Variants in CEP120 observed in about 807,000 individuals in gnomAD.
The protein encoded by CEP120 is centrosomal protein 120.
In CEP120, 113 loss-of-function variants were observed where a neutral mutation model predicts 126.5. The ratio of observed to expected loss-of-function variants is 0.89; its 90% CI spans 0.77 to 1.04. The LOEUF (loss-of-function observed/expected upper bound fraction) is 1.04. Among genes scored for constraint, CEP120 ranks in the 50% least tolerant of loss-of-function variants. The pLI is 0.00. For missense variants in CEP120, 1,230 were observed against 1,155.7 expected (o/e 1.06, Z -0.93); for synonymous variants, 400 against 394.3 (o/e 1.01, Z -0.17).
chr5:123,389,905 AAAC>A lies in CEP120; in HGVS notation c.1255+16_1255+18del. 6.2e-7 allele frequency: 1 copy of A among 1,600,132 alleles called. No homozygotes were observed. The highest frequency in any genetic ancestry group is 8.6e-7 in the Non-Finnish European group (1 of 1,167,840). On this transcript the variant is annotated intron_variant, in intron 8 of 19. Coordinates refer to ENST00000306467, the MANE Select transcript of CEP120 (RefSeq NM_001375405.1). ...TGCAATACCTCAAAGATCTATAAAC[AAAC>A]AACAAAAAACCTTACCTTTTGGATT...
At chr5:123,417,395 TAAATA>T (rs1393439439) in intron 2 of CEP120, among the ~76,000 whole-genome samples, 1 of 152,158 alleles carries the variant, frequency 6.6e-6, no homozygotes, top group Non-Finnish European at 1.5e-5. Flanking sequence ...TTTTAATCCT[TAAATA>T]AATAAGAGTA....
intron 4 of CEP120, among the ~76,000 whole-genome samples, chr5:123,410,836 G>GA (rs1774012948): frequency 6.6e-6 from 1 of 152,170 alleles, no homozygotes; most frequent in Non-Finnish European, 1.5e-5. Context: ...TCATAAGCCG[G>GA]ACTTCATTAA....
In CEP120 at chr5:123,372,637, T is replaced by G; in HGVS notation, c.2481+13A>C. The stretch of plus-strand genomic sequence containing the variant: ...CTGGGACTAGTTAAACTGCACAAAA[T>G]TAACATGTGTACCTTTTCCAAGGTG... On this transcript the variant is annotated intron_variant, in intron 17 of 19. Transcript: ENST00000306467. 1.9e-6 allele frequency: 3 copies of G among 1,611,082 alleles called. No homozygotes were observed. Among genetic ancestry groups the G allele is most frequent in the Non-Finnish European group, 2.5e-6 (3 of 1,178,042 alleles).
intron 4 of CEP120, among the ~76,000 whole-genome samples, chr5:123,404,748 A>G (rs1228051701): frequency 1.3e-5 from 2 of 152,250 alleles, no homozygotes; most frequent in African/African-American, 4.8e-5. Context: ...CACCGCTATT[A>G]ACATTAGTTT....
chr5:123,359,590 A>T (rs910183651), intron 18 of CEP120, among the ~76,000 whole-genome samples: 2 of 152,046 alleles, frequency 1.3e-5, no homozygotes, highest in African/African-American at 2.4e-5. Flanking sequence ...ACCTCTTACA[A>T]GTCTAACAAG....
intron 16 of CEP120, among the ~76,000 whole-genome samples, chr5:123,377,114 T>C (rs1049445274): frequency 6.6e-6 from 1 of 152,116 alleles, no homozygotes; most frequent in Non-Finnish European, 1.5e-5. Flanking sequence ...CAGTGCTACA[T>C]GAAGAATATC....
chr5:123,419,403 C>T lies in CEP120; in HGVS notation c.50-888G>A, dbSNP rs1047006281. On this transcript the variant is annotated intron_variant, in intron 1 of 19. Coordinates refer to ENST00000306467, the MANE Select transcript of CEP120 (RefSeq NM_001375405.1). ...TCTACTAAAAATGCAAAAAATTAGC[C>T]GGGTGTGGTGGCATGCGCCTGTAGT... is the stretch of plus-strand genomic sequence containing the variant. Among the ~76,000 whole-genome samples the T allele has an allele frequency of 7.9e-5, 12 of 151,976 alleles. No individual in the cohort carries two copies. In the East Asian group the frequency reaches 2.1e-3, roughly 27 times the overall value.
At chr5:123,349,743 C>A (rs1472611542) in intron 19 of CEP120, among the ~76,000 whole-genome samples, 1 of 152,058 alleles carries the variant, frequency 6.6e-6, no homozygotes, top group African/African-American at 2.4e-5. Flanking sequence ...TGGGCTCAAA[C>A]GATCCTCCCA....
chr5:123,422,178 T>TG (rs556024963), intron 1 of CEP120, among the ~76,000 whole-genome samples: 8 of 152,342 alleles, frequency 5.3e-5, no homozygotes, highest in African/African-American at 1.9e-4. Context: ...AAGTGCTCCC[T>TG]GCTCTTCTCT....
chr5:123,415,804 G>A (rs911411404), intron 3 of CEP120, among the ~76,000 whole-genome samples: 3 of 152,018 alleles, frequency 2.0e-5, no homozygotes, highest in Admixed American at 6.6e-5. Context: ...CTTGGGAAGC[G>A]GAGGTTGCAG....
chr5:123,350,940 A>G (rs562662747), intron 18 of CEP120, among the ~76,000 whole-genome samples: 1 of 152,320 alleles, frequency 6.6e-6, no homozygotes, highest in East Asian at 1.9e-4. Context: ...GTAATAGGAC[A>G]CCTTGTCATC....
intron 14 of CEP120, among the ~76,000 whole-genome samples, chr5:123,379,881 A>G (rs1037766605): frequency 1.3e-5 from 2 of 152,106 alleles, no homozygotes; most frequent in Admixed American, 1.3e-4. Context: ...AATCTTCACC[A>G]AAGTGAAAGC....
At chr5:123,351,338 T>C (rs1035528000) in intron 18 of CEP120, among the ~76,000 whole-genome samples, 1 of 152,210 alleles carries the variant, frequency 6.6e-6, no homozygotes, top group Admixed American at 6.5e-5. Context: ...AGACTCATTG[T>C]TCTCTGTAGT....
chr5:123,402,073 C>T, intron 4 of CEP120: 1 of 1,588,256 alleles, frequency 6.3e-7, no homozygotes, highest in Non-Finnish European at 8.6e-7. Context: ...TGCTCCTTCT[C>T]CTGGGTGCAC....
At chr5:123,369,841 C>CTCT (rs1770725385) in intron 17 of CEP120, among the ~76,000 whole-genome samples, 1 of 151,722 alleles carries the variant, frequency 6.6e-6, no homozygotes, top group Non-Finnish European at 1.5e-5. Context: ...TTTACTCTCT[C>CTCT]CTCTATAATG....
At chr5:123,422,836 G>T in intron 1 of CEP120, 114 bp downstream of exon 1, 1 of 999,826 alleles carries the variant, frequency 1.0e-6, no homozygotes, top group Non-Finnish European at 1.6e-6. Context: ...AAGTCTGTGG[G>T]GACCACAAAA....
chr5:123,397,967 C>G (rs1231057675), intron 5 of CEP120, among the ~76,000 whole-genome samples: 2 of 152,044 alleles, frequency 1.3e-5, no homozygotes, highest in African/African-American at 4.8e-5. Flanking sequence ...GCCTATAATC[C>G]CAGCTACTCA....
intron 8 of CEP120, among the ~76,000 whole-genome samples, chr5:123,389,285 A>G (rs1187946513): frequency 6.6e-6 from 1 of 152,128 alleles, no homozygotes; most frequent in African/African-American, 2.4e-5. Context: ...TATAAGAGGC[A>G]GTTAACAACT....
Position 123,364,566 on chromosome 5 carries a change from G to A in CEP120, c.2510C>T (p.Ala837Val). ...KVELERKLESATKSKLHYKQQ... is the reference protein window; with the variant it reads ...KVELERKLESVTKSKLHYKQQ... ...CTTGTAATGCAGTTTAGACTTAGTT[G>A]CAGATTCCAACTTTCTTTCAAGTTC... is the stretch of plus-strand genomic sequence containing the variant. The change falls in exon 18 of 20, where the codon GCA (alanine) becomes GTA (valine). Residue 837 changes from alanine to valine, a missense_variant. Coordinates refer to ENST00000306467, the MANE Select transcript of CEP120 (RefSeq NM_001375405.1). 1.2e-6 allele frequency: 2 copies of A among 1,605,284 alleles called. No homozygotes were observed. The highest frequency in any genetic ancestry group is 1.1e-5 in the South Asian group (1 of 90,440).
Sources: gnomAD v4.1 joint callset for allele counts (sites outside exome capture counted in the v4.1 genomes callset) on GRCh38, gnomAD v4.1.1 for gene constraint, MANE v1.5 for transcripts, NCBI Gene and HGNC (gene_info 2026-07-23, HGNC 2026-07-21) for gene names.